The following MIB1 variants were observed in gnomAD, a reference collection of about 807,000 sequenced individuals.
MIB1 encodes E3 ubiquitin-protein ligase MIB1.
In MIB1, 278 loss-of-function variants were observed where a neutral mutation model predicts 124.5. The ratio of observed to expected loss-of-function variants is 2.23; its 90% CI spans 2.02 to 2.47. The LOEUF (loss-of-function observed/expected upper bound fraction) is 2.47. Ranked by LOEUF, MIB1 falls within the 30% of genes most tolerant of loss-of-function variation. The pLI is 0.00. For missense variants in MIB1, 957 were observed against 1,254.4 expected (o/e 0.76, Z 3.58); for synonymous variants, 446 against 429.4 (o/e 1.04, Z -0.48).
intron 11 of MIB1, among the ~76,000 whole-genome samples, chr18:21,817,292 G>A (rs909886310): frequency 6.6e-6 from 1 of 151,274 alleles, no homozygotes; most frequent in South Asian, 2.1e-4. Flanking sequence ...GGGACTACAG[G>A]TGTGAGCTGC....
intron 12 of MIB1, among the ~76,000 whole-genome samples, chr18:21,822,228 CAT>C (rs1206412937): frequency 3.3e-5 from 5 of 152,144 alleles, no homozygotes; most frequent in African/African-American, 1.2e-4. Context: ...AATATGAAAT[CAT>C]AAAGTTTAGT....
chr18:21,761,551 C>T (rs2041097917), intron 1 of MIB1, among the ~76,000 whole-genome samples: 1 of 152,172 alleles, frequency 6.6e-6, no homozygotes, highest in South Asian at 2.1e-4. Context: ...CATCCCATCC[C>T]ACCTGCTCTT....
intron 12 of MIB1, among the ~76,000 whole-genome samples, chr18:21,837,780 A>G (rs558440787): frequency 6.6e-6 from 1 of 152,316 alleles, no homozygotes; most frequent in South Asian, 2.1e-4. Context: ...CCACTTCTAA[A>G]TGACATATGT....
intron 20 of MIB1, among the ~76,000 whole-genome samples, chr18:21,860,047 G>C (rs2042262089): frequency 7.0e-6 from 1 of 142,336 alleles, no homozygotes; most frequent in Non-Finnish European, 1.5e-5. Context: ...TCAAAAATAA[G>C]AGTAACGTTC....
intron 3 of MIB1, among the ~76,000 whole-genome samples, chr18:21,769,245 G>A (rs1202860910): frequency 2.0e-5 from 3 of 152,206 alleles, no homozygotes; most frequent in African/African-American, 4.8e-5. Context: ...AATATTCTGT[G>A]TGGTGAAATG....
intron 18 of MIB1, among the ~76,000 whole-genome samples, chr18:21,856,921 A>C (rs1356490680): frequency 6.6e-6 from 1 of 152,238 alleles, no homozygotes; most frequent in Non-Finnish European, 1.5e-5. Flanking sequence ...CATTGTTTTC[A>C]TAATGATGGG....
intron 7 of MIB1, 49 bp downstream of exon 7, chr18:21,791,606 G>T: frequency 7.1e-7 from 1 of 1,416,440 alleles, no homozygotes. Flanking sequence ...ATATACTTAT[G>T]TCATTTTTAA....
intron 1 of MIB1, among the ~76,000 whole-genome samples, chr18:21,745,502 C>T (rs1004111964): frequency 5.9e-5 from 9 of 152,030 alleles, no homozygotes; most frequent in African/African-American, 1.7e-4. Context: ...TATGTACATG[C>T]GTGGTAAAAG....
At chr18:21,830,039 A>G (rs907317426) in intron 12 of MIB1, among the ~76,000 whole-genome samples, 29 of 152,134 alleles carry the variant, frequency 1.9e-4, no homozygotes, top group African/African-American at 7.0e-4. Flanking sequence ...AGATTTGTCA[A>G]AGGAGGAAAA....
chr18:21,828,946 C>T (rs1217643806), intron 12 of MIB1: 15 of 457,686 alleles, frequency 3.3e-5, no homozygotes, highest in East Asian at 1.4e-4. Context: ...CGGTCATTCA[C>T]GTAGAAAGAA....
intron 1 of MIB1, among the ~76,000 whole-genome samples, chr18:21,746,873 T>C (rs1343559217): frequency 2.0e-5 from 3 of 152,140 alleles, no homozygotes; most frequent in Non-Finnish European, 4.4e-5. Context: ...GTGGAAAAAC[T>C]TCTCAGATGT....
chr18:21,744,425 G>C (rs571445287), intron 1 of MIB1, among the ~76,000 whole-genome samples: 6 of 152,042 alleles, frequency 3.9e-5, no homozygotes, highest in Non-Finnish European at 8.8e-5. Flanking sequence ...CAAGTACAAT[G>C]ATCAAAACCA....
At chr18:21,730,461 A>G (rs531679422) in intron 1 of MIB1, among the ~76,000 whole-genome samples, 6 of 152,260 alleles carry the variant, frequency 3.9e-5, no homozygotes, top group Non-Finnish European at 8.8e-5. Flanking sequence ...CTGGCTGCTC[A>G]GGAGTCTGAG....
intron 2 of MIB1, 66 bp downstream of exon 2, chr18:21,766,009 G>A: frequency 6.7e-7 from 1 of 1,486,226 alleles, no homozygotes; most frequent in Non-Finnish European, 9.3e-7. Context: ...GTACTTCTGG[G>A]CCTTAAAAAT....
At chr18:21,730,803 T>C (rs758941534) in intron 1 of MIB1, among the ~76,000 whole-genome samples, 47 of 152,248 alleles carry the variant, frequency 3.1e-4, no homozygotes, top group Non-Finnish European at 1.0e-4. Context: ...AATTTGATCA[T>C]GTCACTCCCT....
intron 1 of MIB1, among the ~76,000 whole-genome samples, chr18:21,718,406 A>G (rs540311236): frequency 7.9e-5 from 12 of 152,144 alleles, no homozygotes; most frequent in Non-Finnish European, 1.6e-4. Flanking sequence ...ACATTTTTTT[A>G]AAAAAGAAAG....
chr18:21,761,849 T>G (rs187626927), intron 1 of MIB1, among the ~76,000 whole-genome samples: 86 of 152,212 alleles, frequency 5.7e-4, no homozygotes, highest in Non-Finnish European at 1.0e-3. Context: ...TTTTACCATT[T>G]TAAGGAAAGT....
chr18:21,861,291 T>C (rs973188601), intron 20 of MIB1, among the ~76,000 whole-genome samples: 9 of 152,026 alleles, frequency 5.9e-5, no homozygotes, highest in Non-Finnish European at 1.2e-4. Flanking sequence ...ATAATACATC[T>C]AATATAAAAT....
intron 6 of MIB1, among the ~76,000 whole-genome samples, chr18:21,786,704 C>T (rs968334803): frequency 6.6e-6 from 1 of 152,070 alleles, no homozygotes; most frequent in African/African-American, 2.4e-5. Flanking sequence ...TTTTTTTCCA[C>T]TGCTTAATTT....
Sources: allele counts gnomAD v4.1 joint callset (sites outside exome capture counted in the v4.1 genomes callset), GRCh38; gene constraint gnomAD v4.1.1; transcripts MANE v1.5; gene names NCBI Gene and HGNC (gene_info 2026-07-23, HGNC 2026-07-21).